The following PDE1C variants were observed in gnomAD, a reference collection of about 807,000 sequenced individuals.
PDE1C encodes dual specificity calcium/calmodulin-dependent 3',5'-cyclic nucleotide phosphodiesterase 1C.
Under a neutral mutation model 93.1 loss-of-function variants are expected in PDE1C, and 62 were observed. The ratio of observed to expected loss-of-function variants is 0.67; its 90% confidence interval spans 0.54 to 0.82. PDE1C has a LOEUF of 0.82. Ranked by LOEUF, PDE1C falls within the 40% of genes least tolerant of loss-of-function variation. The probability of loss-of-function intolerance (pLI) is 0.00; values close to 1 mark genes in which losing one functional copy is unlikely to be tolerated. For synonymous variants in PDE1C, 325 were observed against 310.1 expected (o/e 1.05, Z -0.50); for missense variants, 742 against 884.6 (o/e 0.84, Z 2.04).
intron 2 of PDE1C, among the ~76,000 whole-genome samples, chr7:31,940,639 T>C (rs543366882): frequency 6.6e-6 from 1 of 152,170 alleles, no homozygotes; most frequent in South Asian, 2.1e-4. Context: ...AGAGTGATTA[T>C]GAGGCAGAGC....
At chr7:32,129,704 A>C (rs942018043) in intron 3 of PDE1C, among the ~76,000 whole-genome samples, 1 of 151,932 alleles carries the variant, frequency 6.6e-6, no homozygotes, top group African/African-American at 2.4e-5. Context: ...CTTTCAAGTC[A>C]CTCTACATTA....
chr7:32,183,338 G>A (rs1157166423), intron 2 of PDE1C, among the ~76,000 whole-genome samples: 5 of 152,136 alleles, frequency 3.3e-5, no homozygotes, highest in South Asian at 2.1e-4. Flanking sequence ...AGCCCGCATT[G>A]CCAAGTCAAT....
chr7:31,658,584 A>T, the PDE1C span: 3 of 351,990 alleles, frequency 8.5e-6, no homozygotes, highest in African/African-American at 4.2e-5. Flanking sequence ...CAAATTGTTC[A>T]TGATGTGCGA....
At chr7:32,024,535 T>A (rs970428046) in intron 2 of PDE1C, among the ~76,000 whole-genome samples, 7 of 152,016 alleles carry the variant, frequency 4.6e-5, no homozygotes, top group Admixed American at 1.3e-4. Context: ...TATTCTTAAT[T>A]CCTCACTCTC....
intron 2 of PDE1C, among the ~76,000 whole-genome samples, chr7:31,994,320 A>G (rs1784471930): frequency 6.6e-6 from 1 of 152,206 alleles, no homozygotes; most frequent in Non-Finnish European, 1.5e-5. Flanking sequence ...ACTTTTTTAA[A>G]TACTAAAAAT....
chr7:31,987,346 A>G lies in PDE1C; in HGVS notation c.128+64208T>C, dbSNP rs544208954. Among the ~76,000 whole-genome samples, 4 of 152,346 alleles carry G rather than the reference A, an allele frequency of 2.6e-5. No homozygotes were observed. In the South Asian group the frequency reaches 8.3e-4, roughly 32 times the overall value. ...AAAGGATTTACTCCCAGCAGTGCTT[A>G]GGAATCAGGACAGGATGAGGGCCCA... is the stretch of plus-strand genomic sequence containing the variant. On this transcript the variant is annotated intron_variant, in intron 2 of 17. Coordinates refer to ENST00000396191, the MANE Select transcript of PDE1C (RefSeq NM_001191057.4).
chr7:32,053,177 CT>C (rs1455606816), intron 1 of PDE1C, among the ~76,000 whole-genome samples: 1 of 152,172 alleles, frequency 6.6e-6, no homozygotes, highest in Non-Finnish European at 1.5e-5. Context: ...ACCTCAGTTT[CT>C]TTGCATATAA....
intron 2 of PDE1C, among the ~76,000 whole-genome samples, chr7:32,014,216 G>A (rs552961779): frequency 4.6e-5 from 7 of 152,228 alleles, no homozygotes; most frequent in South Asian, 2.1e-4. Context: ...TCTGGAAAAC[G>A]AAATAAGGAA....
intron 3 of PDE1C, among the ~76,000 whole-genome samples, chr7:32,107,291 A>T (rs1798376952): frequency 7.2e-6 from 1 of 138,672 alleles, no homozygotes; most frequent in African/African-American, 2.6e-5. Flanking sequence ...GGAAGGAGGG[A>T]GGGAGGGAGG....
At chr7:32,375,725 C>A (rs1232451556) in intron 1 of PDE1C, among the ~76,000 whole-genome samples, 2 of 152,236 alleles carry the variant, frequency 1.3e-5, no homozygotes, top group African/African-American at 4.8e-5. Flanking sequence ...CTGCCAACAG[C>A]TTGATGGCCT....
intron 2 of PDE1C, among the ~76,000 whole-genome samples, chr7:32,011,594 G>A (rs1306519550): frequency 6.6e-6 from 1 of 152,164 alleles, no homozygotes; most frequent in Non-Finnish European, 1.5e-5. Context: ...AACATCATTA[G>A]ATGTTGCAGA....
downstream of PDE1C, among the ~76,000 whole-genome samples, chr7:31,747,235 T>C (rs7795363): frequency 0.79 from 120,535 of 152,120 alleles, 48,250 homozygotes; most frequent in Middle Eastern, 0.86. Context: ...TATATAGCAG[T>C]GCAATCAAAG....
intron 1 of PDE1C, among the ~76,000 whole-genome samples, chr7:32,388,704 A>AAT (rs386409845): frequency 6.7e-6 from 1 of 149,698 alleles, no homozygotes; most frequent in South Asian, 2.1e-4. Flanking sequence ...AAAAAAAAAA[A>AAT]TTAAGACAAA....
chr7:32,363,415 T>G (rs1290342751), intron 1 of PDE1C, among the ~76,000 whole-genome samples: 1 of 152,262 alleles, frequency 6.6e-6, no homozygotes, highest in Admixed American at 6.5e-5. Context: ...GGTCCTCTAT[T>G]GCCTTCTACA....
At chr7:32,411,688 AT>A (rs1215030765) in intron 1 of PDE1C, among the ~76,000 whole-genome samples, 1 of 151,962 alleles carries the variant, frequency 6.6e-6, no homozygotes, top group Non-Finnish European at 1.5e-5. Context: ...TTTGTTTTAG[AT>A]TTTTTTCTTT....
At chr7:31,859,676 C>T (rs1336396441) in intron 7 of PDE1C, among the ~76,000 whole-genome samples, 1 of 151,750 alleles carries the variant, frequency 6.6e-6, no homozygotes, top group African/African-American at 2.4e-5. Context: ...CTGGGATGAC[C>T]CACTAGTGTT....
chr7:31,645,486 T>G, the PDE1C span, among the ~76,000 whole-genome samples: 6 of 152,100 alleles, frequency 3.9e-5, no homozygotes, highest in Non-Finnish European at 8.8e-5. Flanking sequence ...TTTCCAAAAG[T>G]TCAGTGGAAG....
At chr7:32,166,779 G>T (rs908765199) in intron 3 of PDE1C, among the ~76,000 whole-genome samples, 1 of 152,194 alleles carries the variant, frequency 6.6e-6, no homozygotes, top group Non-Finnish European at 1.5e-5. Context: ...AGCCTGATTG[G>T]AAGACAAGGC....
intron 1 of PDE1C, among the ~76,000 whole-genome samples, chr7:32,362,313 G>C (rs1280096893): frequency 6.6e-6 from 1 of 151,994 alleles, no homozygotes; most frequent in Non-Finnish European, 1.5e-5. Context: ...CTTTCTTCAG[G>C]GGGTGTCCTA....
Sources: gnomAD v4.1 joint callset for allele counts (sites outside exome capture counted in the v4.1 genomes callset) on GRCh38, gnomAD v4.1.1 for gene constraint, MANE v1.5 for transcripts, NCBI Gene and HGNC (gene_info 2026-07-23, HGNC 2026-07-21) for gene names.